Variants in FSTL5 observed in about 807,000 individuals in gnomAD.
FSTL5 encodes the protein follistatin-related protein 5.
A neutral mutation model predicts 89.1 loss-of-function variants in FSTL5; 62 were observed. That is an observed-to-expected ratio of 0.70 (90% CI 0.57 to 0.86). The LOEUF (loss-of-function observed/expected upper bound fraction) is 0.86, where lower values mean the gene tolerates loss of function less well. Ranked by LOEUF, FSTL5 falls within the 40% of genes least tolerant of loss-of-function variation. The pLI is 0.00. For synonymous variants in FSTL5, 383 were observed against 346.2 expected (o/e 1.11, Z -1.18); for missense variants, 1,057 against 1,001.6 (o/e 1.06, Z -0.75).
intron 4 of FSTL5, among the ~76,000 whole-genome samples, chr4:161,905,551 AC>A (rs1301169178): frequency 6.6e-6 from 1 of 152,102 alleles, no homozygotes; most frequent in African/African-American, 2.4e-5. Context: ...AATTCAAGAA[AC>A]AAACAAAATA....
chr4:162,137,268 A>G (rs940907663), intron 1 of FSTL5, among the ~76,000 whole-genome samples: 1 of 152,086 alleles, frequency 6.6e-6, no homozygotes, highest in Non-Finnish European at 1.5e-5. Context: ...ATTAATGTCA[A>G]ATCTCTATCA....
At chr4:162,035,759 C>G (rs983076157) in intron 2 of FSTL5, among the ~76,000 whole-genome samples, 3 of 151,910 alleles carry the variant, frequency 2.0e-5, no homozygotes, top group Non-Finnish European at 4.4e-5. Flanking sequence ...GTCAGGGAGG[C>G]CATTAAAGAA....
intron 2 of FSTL5, among the ~76,000 whole-genome samples, chr4:162,081,283 A>C (rs550650214): frequency 6.6e-6 from 1 of 151,716 alleles, no homozygotes; most frequent in East Asian, 1.9e-4. Context: ...AACTGACACA[A>C]TATAATGGAT....
At chr4:161,436,196 G>T (rs1050417208) in intron 15 of FSTL5, among the ~76,000 whole-genome samples, 7 of 152,106 alleles carry the variant, frequency 4.6e-5, no homozygotes, top group Admixed American at 4.6e-4. Flanking sequence ...AGTTGGAGGG[G>T]TAATTTTACT....
chr4:161,729,930 C>T (rs1406204902), intron 6 of FSTL5, among the ~76,000 whole-genome samples: 1 of 152,178 alleles, frequency 6.6e-6, no homozygotes, highest in Non-Finnish European at 1.5e-5. Context: ...CTGATCACTA[C>T]TTCCATCTAT....
chr4:162,149,397 T>C (rs963449527), intron 1 of FSTL5, among the ~76,000 whole-genome samples: 2 of 151,868 alleles, frequency 1.3e-5, no homozygotes, highest in African/African-American at 4.8e-5. Flanking sequence ...TTTAGCCAGG[T>C]GTGGTGGCTC....
chr4:161,438,492 T>C (rs936422600), intron 15 of FSTL5, among the ~76,000 whole-genome samples: 7 of 152,200 alleles, frequency 4.6e-5, no homozygotes, highest in Non-Finnish European at 1.0e-4. Flanking sequence ...ATTTTCCCTT[T>C]TATGTCTTGC....
rs545925233 is a variant in FSTL5, at chr4:161,923,621, C to T, written c.161-2969G>A. Among the ~76,000 whole-genome samples, 3 of 151,676 alleles carry T rather than the reference C, an allele frequency of 2.0e-5. No individual in the cohort carries two copies. The South Asian group carries it at 6.2e-4, about 31-fold the overall frequency. ...GTTTATTTTAGTATTGAAGAATGAG[C>T]TAATGTTTTAAGAGTCTGATCATTT... On this transcript the variant is annotated intron_variant, in intron 3 of 15. Transcript: ENST00000306100.
At chr4:161,745,069 T>TA (rs772118769) in intron 6 of FSTL5, among the ~76,000 whole-genome samples, 4 of 150,432 alleles carry the variant, frequency 2.7e-5, no homozygotes, top group Middle Eastern at 3.4e-3. Context: ...AATAAATAAA[T>TA]AAAAAAAATA....
At chr4:161,602,217 C>CAG (rs145511967) in intron 7 of FSTL5, among the ~76,000 whole-genome samples, 3,557 of 143,228 alleles carry the variant, frequency 0.025, 68 homozygotes, top group Middle Eastern at 0.059. Context: ...CATGCACACA[C>CAG]AGAGAGAGAG....
At chr4:161,579,735 A>C (rs1042392758) in intron 8 of FSTL5, among the ~76,000 whole-genome samples, 2 of 104,938 alleles carry the variant, frequency 1.9e-5, no homozygotes, top group South Asian at 5.1e-4. Flanking sequence ...AACAAACAAA[A>C]AAAAAAAAAG....
At chr4:161,488,098 A>G (rs1208500988) in intron 12 of FSTL5, among the ~76,000 whole-genome samples, 1 of 152,108 alleles carries the variant, frequency 6.6e-6, no homozygotes, top group African/African-American at 2.4e-5. Flanking sequence ...ATAGCCTCCA[A>G]ATTTGACCAT....
chr4:161,636,292 GA>G (rs1383866893), intron 7 of FSTL5, among the ~76,000 whole-genome samples: 1 of 151,944 alleles, frequency 6.6e-6, no homozygotes, highest in Non-Finnish European at 1.5e-5. Context: ...TTTTGAGTTT[GA>G]GTCAAACTGT....
chr4:161,794,029 C>T (rs1359952139), intron 4 of FSTL5, among the ~76,000 whole-genome samples: 1 of 152,132 alleles, frequency 6.6e-6, no homozygotes, highest in Non-Finnish European at 1.5e-5. Context: ...TTAATTCAGA[C>T]CACAAAGAGT....
chr4:161,514,565 T>C (rs1162907060), intron 10 of FSTL5, among the ~76,000 whole-genome samples: 7 of 152,268 alleles, frequency 4.6e-5, no homozygotes, highest in Admixed American at 6.5e-5. Context: ...CACTAGTCAA[T>C]AGATCCATGT....
chr4:161,656,251 CT>C (rs1355339723), intron 7 of FSTL5, 76 bp downstream of exon 7: 16 of 691,870 alleles, frequency 2.3e-5, no homozygotes, highest in Non-Finnish European at 3.1e-5. Flanking sequence ...ATTCATTAAG[CT>C]CCCCTGACAT....
intron 15 of FSTL5, among the ~76,000 whole-genome samples, chr4:161,425,537 A>G (rs1054220650): frequency 2.0e-5 from 3 of 152,112 alleles, no homozygotes; most frequent in Admixed American, 2.0e-4. Context: ...TTTCATAGCT[A>G]TTTTTTGCCC....
intron 4 of FSTL5, among the ~76,000 whole-genome samples, chr4:161,877,359 A>C (rs1363228993): frequency 1.3e-5 from 2 of 150,624 alleles, no homozygotes; most frequent in Admixed American, 1.3e-4. Context: ...ACCATATGTA[A>C]TATTGTATTT....
intron 10 of FSTL5, among the ~76,000 whole-genome samples, chr4:161,524,112 C>T (rs992829616): frequency 7.2e-5 from 11 of 152,128 alleles, no homozygotes. Context: ...ACATCCTATT[C>T]TTTCTGAAGC....
Sources: gnomAD v4.1 joint callset for allele counts (sites outside exome capture counted in the v4.1 genomes callset) on GRCh38, gnomAD v4.1.1 for gene constraint, MANE v1.5 for transcripts, NCBI Gene and HGNC (gene_info 2026-07-23, HGNC 2026-07-21) for gene names.